The following ADAMTS20 variants were observed in gnomAD, a reference collection of about 807,000 sequenced individuals.
ADAMTS20 encodes the protein ADAM metallopeptidase with thrombospondin type 1 motif 20, also known as A disintegrin and metalloproteinase with thrombospondin motifs 20.
A neutral mutation model predicts 260.1 loss-of-function variants in ADAMTS20; 225 were observed. That is an observed-to-expected ratio of 0.87 (90% CI 0.78 to 0.97). The LOEUF is 0.97. ADAMTS20 is among the 50% of genes least tolerant of loss of function. ADAMTS20 has a pLI of 0.00. For missense variants in ADAMTS20, 2,400 were observed against 2,337.7 expected, an observed-to-expected ratio of 1.03 and a Z score of -0.55; for synonymous variants, 802 against 769.5, an observed-to-expected ratio of 1.04 and a Z score of -0.70.
At chr12:43,458,382 C>T (rs1942003109) in intron 11 of ADAMTS20, among the ~76,000 whole-genome samples, 1 of 152,206 alleles carries the variant, frequency 6.6e-6, no homozygotes, top group Admixed American at 6.5e-5. Context: ...TCTTTCACAC[C>T]TGCAATGCCC....
chr12:43,356,000 A>C (rs1055125977), intron 38 of ADAMTS20, among the ~76,000 whole-genome samples: 3 of 152,178 alleles, frequency 2.0e-5, no homozygotes, highest in African/African-American at 7.2e-5. Context: ...ATTCTTGAAA[A>C]AACTGTGAAG....
Position 43,462,928 on chromosome 12 carries a change from T to G in ADAMTS20, c.1581A>C (p.Pro527=). The change falls in exon 11 of 39, where the codon CCA becomes CCC. Residue 527 remains proline (P), a synonymous_variant. Coordinates refer to ENST00000389420, the MANE Select transcript of ADAMTS20 (RefSeq NM_025003.5). ...LHKGCFTQHV[P]PADGTDCGPG... ...GACCGCAGTCTGTTCCATCTGCTGG[T>G]GGCACGTGTTGAGTGAAACAGCCTT... is the stretch of plus-strand genomic sequence containing the variant. 2.5e-6 allele frequency: 4 copies of G among 1,609,034 alleles called. No individual in the cohort carries two copies. Among genetic ancestry groups the G allele is most frequent in the Non-Finnish European group, 3.4e-6 (4 of 1,177,446 alleles).
intron 2 of ADAMTS20, among the ~76,000 whole-genome samples, chr12:43,536,049 A>G (rs963587884): frequency 1.3e-5 from 2 of 152,086 alleles, no homozygotes; most frequent in Admixed American, 6.6e-5. Context: ...GCTAATACCA[A>G]TATAGAGATC....
In ADAMTS20 at chr12:43,452,279, A is replaced by C; in HGVS notation, c.2074T>G (p.Cys692Gly). ...GAAACTTATAGTTTACTTACCATAC[A>C]CTGGCCTTGAACACAGATGTCATGA... ...ETHDICVQGQ[C>G]MAAGCDHVLN... The change falls in exon 14 of 39, where the codon TGT (cysteine) becomes GGT (glycine). Residue 692 changes from cysteine to glycine, a missense_variant. Cys to Gly is a radical substitution (Grantham distance 159). Coordinates refer to ENST00000389420, the MANE Select transcript of ADAMTS20 (RefSeq NM_025003.5). The C allele has an allele frequency of 6.2e-7, 1 of 1,607,412 alleles. No homozygotes were observed. Among genetic ancestry groups the C allele is most frequent in the South Asian group, 1.1e-5 (1 of 89,214 alleles).
chr12:43,462,933 C>A lies in ADAMTS20; in HGVS notation c.1576G>T (p.Val526Leu), dbSNP rs963191880. Residue 526 changes from valine to leucine, a missense_variant, in exon 11 of 39, where the codon GTG becomes TTG. Physicochemically the swap from Val to Leu is conservative, Grantham distance 32 (BLOSUM62 1). Coordinates refer to ENST00000389420, the MANE Select transcript of ADAMTS20 (RefSeq NM_025003.5). Reference protein sequence around the residue: ...KLHKGCFTQHVPPADGTDCGP... With the variant: ...KLHKGCFTQHLPPADGTDCGP... Reference sequence around the variant, plus strand: ...CAGTCTGTTCCATCTGCTGGTGGCACGTGTTGAGTGAAACAGCCTTTGTGA... The same window carrying A: ...CAGTCTGTTCCATCTGCTGGTGGCAAGTGTTGAGTGAAACAGCCTTTGTGA... 1 of 1,609,336 alleles carries A rather than the reference C, an allele frequency of 6.2e-7. No homozygotes were observed. The highest frequency in any genetic ancestry group is 1.7e-5 in the Admixed American group (1 of 59,450).
At position 43,417,643 on chromosome 12, in the gene ADAMTS20, A is replaced by C. The variant is rs181041786; in HGVS notation, c.4284+7871T>G. Among the ~76,000 whole-genome samples the C allele has an allele frequency of 2.6e-5, 4 of 152,360 alleles. No individual in the cohort carries two copies. The East Asian group carries it at 7.7e-4, about 29-fold the overall frequency. The stretch of plus-strand genomic sequence containing the variant: ...AACATATATTCCTCATAAGTATCAG[A>C]GTTTCTAAGTCACAGTCTTTCAAAA... On this transcript the variant is annotated intron_variant, in intron 28 of 38. Coordinates refer to ENST00000389420, the MANE Select transcript of ADAMTS20 (RefSeq NM_025003.5).
chr12:43,551,591 C>A lies in ADAMTS20; in HGVS notation c.91+240G>T, dbSNP rs1450409534. Among the ~76,000 whole-genome samples the A allele has an allele frequency of 6.6e-6, 1 of 152,204 alleles. No homozygotes were observed. Among genetic ancestry groups the A allele is most frequent in the African/African-American group, 2.4e-5 (1 of 41,464 alleles). Reference sequence around the variant, plus strand: ...ACTCGTTCCCTCCGGGTGCAAGCGACCCCCTGCCCCTTGCGCCCCCGCCGT... The same window carrying A: ...ACTCGTTCCCTCCGGGTGCAAGCGAACCCCTGCCCCTTGCGCCCCCGCCGT... On this transcript the variant is annotated intron_variant, in intron 1 of 38. Transcript: ENST00000389420. This position sits in a 1 kb window ranked among gnomAD's most constrained non-coding sequence, Gnocchi z 4.6.
chr12:43,379,780 G>A (rs951010759), intron 31 of ADAMTS20, among the ~76,000 whole-genome samples: 6 of 152,088 alleles, frequency 3.9e-5, no homozygotes, highest in Non-Finnish European at 5.9e-5. Context: ...CAAACCCTGG[G>A]GAGGAGGAAG....
intron 28 of ADAMTS20, among the ~76,000 whole-genome samples, chr12:43,406,712 C>T (rs1363441305): frequency 6.6e-6 from 1 of 151,902 alleles, no homozygotes; most frequent in African/African-American, 2.4e-5. Flanking sequence ...AGAGAAAAGC[C>T]CACTACAGTA....
intron 28 of ADAMTS20, among the ~76,000 whole-genome samples, chr12:43,402,027 T>C (rs1179698443): frequency 6.6e-6 from 1 of 151,986 alleles, no homozygotes; most frequent in Non-Finnish European, 1.5e-5. Context: ...ATCCCATGTC[T>C]AGGGTAAATA....
At chr12:43,521,381 T>A (rs1026335712) in intron 3 of ADAMTS20, among the ~76,000 whole-genome samples, 5 of 152,226 alleles carry the variant, frequency 3.3e-5, no homozygotes, top group African/African-American at 9.6e-5. Context: ...AAAAGGCAGT[T>A]CTCATGTATT....
At chr12:43,403,838 A>G (rs571668975) in intron 28 of ADAMTS20, among the ~76,000 whole-genome samples, 6 of 152,234 alleles carry the variant, frequency 3.9e-5, no homozygotes, top group South Asian at 2.1e-4. Context: ...AGAGATGGAG[A>G]GTCGACGTAT....
At chr12:43,382,159 T>TA (rs1229961095) in intron 31 of ADAMTS20, among the ~76,000 whole-genome samples, 4 of 152,154 alleles carry the variant, frequency 2.6e-5, no homozygotes, top group African/African-American at 9.7e-5. Context: ...ATTGAAAACA[T>TA]ACATCCACAC....
intron 2 of ADAMTS20, among the ~76,000 whole-genome samples, chr12:43,548,634 G>T (rs1183566451): frequency 1.3e-5 from 2 of 151,982 alleles, no homozygotes; most frequent in African/African-American, 4.8e-5. Context: ...CCGTTTTAGT[G>T]CTAATATAAA....
At chr12:43,451,575 T>C (rs1941864607) in intron 14 of ADAMTS20, among the ~76,000 whole-genome samples, 1 of 152,056 alleles carries the variant, frequency 6.6e-6, no homozygotes, top group Non-Finnish European at 1.5e-5. Context: ...TAAAACCTAC[T>C]CATTTCAATA....
At chr12:43,361,625 A>ATAGC (rs1939869872) in intron 37 of ADAMTS20, among the ~76,000 whole-genome samples, 2 of 152,222 alleles carry the variant, frequency 1.3e-5, no homozygotes, top group South Asian at 4.1e-4. Flanking sequence ...ATCGCAGTTT[A>ATAGC]TAGCTATATA....
chr12:43,502,005 T>A, intron 4 of ADAMTS20, 147 bp downstream of exon 4: 1 of 727,046 alleles, frequency 1.4e-6, no homozygotes, highest in Non-Finnish European at 2.1e-6. Flanking sequence ...CTATCTAAAC[T>A]AAACTTCAAT....
intron 14 of ADAMTS20, among the ~76,000 whole-genome samples, chr12:43,447,639 A>G (rs1403917210): frequency 6.6e-6 from 1 of 152,150 alleles, no homozygotes. Flanking sequence ...AGTCCTGGCC[A>G]GAACAATCAG....
At chr12:43,418,385 C>A (rs1413548947) in intron 28 of ADAMTS20, among the ~76,000 whole-genome samples, 2 of 152,190 alleles carry the variant, frequency 1.3e-5, no homozygotes, top group African/African-American at 4.8e-5. Context: ...TCTTGGCTCA[C>A]TGCAACCTCC....
Sources: allele counts gnomAD v4.1 joint callset (sites outside exome capture counted in the v4.1 genomes callset), GRCh38; gene constraint gnomAD v4.1.1; non-coding constraint Gnocchi (gnomAD v3.1); transcripts MANE v1.5; gene names NCBI Gene and HGNC (gene_info 2026-07-23, HGNC 2026-07-21).